ZCCHC14: variants seen among roughly 807,000 people sequenced by gnomAD.
ZCCHC14 encodes zinc finger CCHC-type containing 14.
In ZCCHC14, 16 loss-of-function variants were observed where a neutral mutation model predicts 85.0. That is an observed-to-expected ratio of 0.19 (90% CI 0.13 to 0.29). The LOEUF (loss-of-function observed/expected upper bound fraction) is 0.29, where lower values mean the gene tolerates loss of function less well. ZCCHC14 is among the 10% of genes least tolerant of loss of function. The probability of loss-of-function intolerance (pLI) is 1.00; values close to 1 mark genes in which losing one functional copy is unlikely to be tolerated. For synonymous variants in ZCCHC14, 775 were observed against 630.7 expected (o/e 1.23, Z -3.43); for missense variants, 1,303 against 1,443.5 (o/e 0.90, Z 1.58).
chr16:87,425,952 T>C (rs117626644), intron 3 of ZCCHC14, among the ~76,000 whole-genome samples: 2,601 of 152,328 alleles, frequency 0.017, 26 homozygotes, highest in Middle Eastern at 0.044. Flanking sequence ...AAACAGACAA[T>C]CTGCTTTTCC....
In ZCCHC14 at chr16:87,417,487, G is replaced by T. The variant is rs749642902; in HGVS notation, c.1356C>A (p.Pro452=). ...TCTCCATGGAGAGCTGCTTAAAGAC[G>T]GGGTAATACTTGTGCAAACGCAGTT... The part of the protein sequence containing the change: ...LRKLRLHKYY[P]VFKQLSMEKF... The change falls in exon 8 of 13, where the codon CCC becomes CCA. Residue 452 remains proline, a synonymous_variant. Transcript: ENST00000671377. 13 of 1,614,172 alleles carry T rather than the reference G, an allele frequency of 8.1e-6. No individual in the cohort carries two copies. The highest frequency in any genetic ancestry group is 1.1e-5 in the Non-Finnish European group (13 of 1,180,006).
chr16:87,485,972 C>T (rs1912498787), intron 1 of ZCCHC14, among the ~76,000 whole-genome samples: 1 of 152,198 alleles, frequency 6.6e-6, no homozygotes, highest in South Asian at 2.1e-4. Context: ...TCGTATTACT[C>T]ATCATACCCA....
At chr16:87,438,199 A>C (rs1306849257) in intron 2 of ZCCHC14, among the ~76,000 whole-genome samples, 2 of 152,268 alleles carry the variant, frequency 1.3e-5, no homozygotes, top group Non-Finnish European at 2.9e-5. Context: ...CACAGAGCCC[A>C]CTGCACAGGA....
chr16:87,459,887 T>C, intron 2 of ZCCHC14, 121 bp downstream of exon 2: 1 of 1,444,610 alleles, frequency 6.9e-7, no homozygotes, highest in South Asian at 1.3e-5. Context: ...TTTAGAAAAA[T>C]ACACATAAGA....
chr16:87,450,821 G>A (rs553521325), intron 2 of ZCCHC14, among the ~76,000 whole-genome samples: 1 of 152,220 alleles, frequency 6.6e-6, no homozygotes, highest in East Asian at 1.9e-4. Context: ...CTCCCAAAGT[G>A]CTGGGATTAC....
intron 1 of ZCCHC14, among the ~76,000 whole-genome samples, chr16:87,480,499 G>A (rs1225046739): frequency 2.0e-5 from 3 of 152,136 alleles, no homozygotes; most frequent in Non-Finnish European, 2.9e-5. Flanking sequence ...TATATGAGAG[G>A]TAGTCATTGG....
chr16:87,475,090 A>C (rs1216182599), intron 1 of ZCCHC14, among the ~76,000 whole-genome samples: 1 of 152,220 alleles, frequency 6.6e-6, no homozygotes, highest in African/African-American at 2.4e-5. Flanking sequence ...AACCTGTACA[A>C]AGAGGAAAGA....
At chr16:87,437,629 T>A (rs1597418774) in intron 2 of ZCCHC14, among the ~76,000 whole-genome samples, 1 of 152,230 alleles carries the variant, frequency 6.6e-6, no homozygotes, top group Non-Finnish European at 1.5e-5. Context: ...GCCTGCGCCC[T>A]CCTGAAGTAA....
At chr16:87,447,643 T>C (rs1910506565) in intron 2 of ZCCHC14, among the ~76,000 whole-genome samples, 1 of 152,366 alleles carries the variant, frequency 6.6e-6, no homozygotes, top group Non-Finnish European at 1.5e-5. Context: ...TTTGGGGCTA[T>C]TATGCATAAG....
At chr16:87,422,331 G>A (rs942316064) in intron 4 of ZCCHC14, among the ~76,000 whole-genome samples, 2 of 152,168 alleles carry the variant, frequency 1.3e-5, no homozygotes, top group African/African-American at 4.8e-5. Context: ...TGGGAGAGCC[G>A]TGGGGCGGCA....
At chr16:87,453,345 G>C (rs1317620968) in intron 2 of ZCCHC14, among the ~76,000 whole-genome samples, 3 of 152,260 alleles carry the variant, frequency 2.0e-5, no homozygotes, top group Non-Finnish European at 4.4e-5. Context: ...CCCCTCTGAA[G>C]TCACTGGAGA....
chr16:87,492,341 C>T lies in ZCCHC14; in HGVS notation c.-103G>A. 3.2e-6 allele frequency: 1 copy of T among 316,422 alleles called. No homozygotes were observed. Among genetic ancestry groups the T allele is most frequent in the Non-Finnish European group, 4.5e-6 (1 of 223,416 alleles). The allele number at this position is 316,422 out of a possible 1,614,324, so 19.6% of individuals were successfully genotyped here. On this transcript the variant is annotated 5_prime_UTR_variant, in exon 1 of 13. Transcript: ENST00000671377. The surrounding 1 kb of genome is among the most constrained non-coding windows in gnomAD (Gnocchi z 6.7). Reference sequence around the variant, plus strand: ...GGGGCGCGCCGGGACCGGGGACGCGCGGGCCGGGGCCGGGTCCGGGCGAGG... The same window carrying T: ...GGGGCGCGCCGGGACCGGGGACGCGTGGGCCGGGGCCGGGTCCGGGCGAGG...
intron 2 of ZCCHC14, among the ~76,000 whole-genome samples, chr16:87,443,013 G>A (rs144391824): frequency 6.6e-6 from 1 of 152,320 alleles, no homozygotes; most frequent in African/African-American, 2.4e-5. Context: ...GAAAATGAAC[G>A]GGAAGCAAAC....
rs1912768027 is a variant in ZCCHC14 at position 87,491,517 on chromosome 16, G to A, written c.570+152C>T. ...GGATGGGGCTTGGGATACGGGCTGG[G>A]GGCTCGTGGTGCAGGTTGGAGACCT... On this transcript the variant is annotated intron_variant, in intron 1 of 12. Transcript: ENST00000671377. This position sits in a 1 kb window ranked among gnomAD's most constrained non-coding sequence, Gnocchi z 5.9. The A allele has an allele frequency of 8.4e-6, 5 of 596,280 alleles. No individual in the cohort carries two copies. The highest frequency in any genetic ancestry group is 1.3e-5 in the Non-Finnish European group (5 of 393,300). The allele number at this position is 596,280 out of a possible 1,614,324, so 36.9% of individuals were successfully genotyped here.
intron 12 of ZCCHC14, 61 bp from the exon 13 acceptor site, chr16:87,410,396 A>G (rs1284296111): frequency 2.7e-6 from 2 of 742,574 alleles, no homozygotes; most frequent in Admixed American, 3.8e-5. Context: ...ACCAACCACC[A>G]ATCTGTCCAG....
intron 1 of ZCCHC14, among the ~76,000 whole-genome samples, chr16:87,469,842 C>G (rs913558244): frequency 1.3e-5 from 2 of 152,182 alleles, no homozygotes; most frequent in Non-Finnish European, 2.9e-5. Context: ...GGGATGAGGA[C>G]AGAGCCACCC....
chr16:87,446,813 C>T lies in ZCCHC14; in HGVS notation c.694+13195G>A, dbSNP rs143539600. Among the ~76,000 whole-genome samples, 5 of 152,060 alleles carry T rather than the reference C, an allele frequency of 3.3e-5. No individual in the cohort carries two copies. The East Asian group carries it at 7.8e-4, about 24-fold the overall frequency. On this transcript the variant is annotated intron_variant, in intron 2 of 12. Coordinates refer to ENST00000671377, the MANE Select transcript of ZCCHC14 (RefSeq NM_015144.3). ...ATTCTCTTGTCTCAGCCTCCCGAGT[C>T]GCTGGGATTACAGGCACACACCACC...
chr16:87,410,475 C>T (rs565736269), intron 12 of ZCCHC14, 140 bp from the exon 13 acceptor site: 7 of 537,322 alleles, frequency 1.3e-5, no homozygotes, highest in South Asian at 2.9e-5. Context: ...ACCGTTTCTA[C>T]TCCCTTCCTG....
chr16:87,416,560 G>C (rs1225704328), intron 8 of ZCCHC14, among the ~76,000 whole-genome samples: 2 of 152,088 alleles, frequency 1.3e-5, no homozygotes, highest in African/African-American at 4.8e-5. Context: ...TTCGAGACTA[G>C]CCTGGCCAAC....
Sources: gnomAD v4.1 joint callset for allele counts (sites outside exome capture counted in the v4.1 genomes callset) on GRCh38, gnomAD v4.1.1 for gene constraint, Gnocchi (gnomAD v3.1) non-coding constraint, MANE v1.5 for transcripts, NCBI Gene and HGNC (gene_info 2026-07-23, HGNC 2026-07-21) for gene names.